Variants in ST8SIA6 observed in about 807,000 individuals in gnomAD.
The protein encoded by ST8SIA6 is alpha-2,8-sialyltransferase 8F.
Under a neutral mutation model 33.6 loss-of-function variants are expected in ST8SIA6, and 39 were observed. That is an observed-to-expected ratio of 1.16 (90% CI 0.90 to 1.52). The LOEUF is 1.52. ST8SIA6 is among the 40% of genes most tolerant of loss of function. The pLI is 0.00. For synonymous variants in ST8SIA6, 172 were observed against 167.2 expected, an observed-to-expected ratio of 1.03 and a Z score of -0.22; for missense variants, 441 against 443.8, an observed-to-expected ratio of 0.99 and a Z score of 0.06.
intron 3 of ST8SIA6, among the ~76,000 whole-genome samples, chr10:17,359,816 C>T (rs1027502656): frequency 2.0e-5 from 3 of 152,016 alleles, no homozygotes; most frequent in Non-Finnish European, 2.9e-5. Context: ...TTGCACATGT[C>T]ATAAGCCAAG....
At chr10:17,362,707 A>G (rs1393121086) in intron 3 of ST8SIA6, among the ~76,000 whole-genome samples, 1 of 152,004 alleles carries the variant, frequency 6.6e-6, no homozygotes, top group Non-Finnish European at 1.5e-5. Flanking sequence ...TAACCTAGGA[A>G]ATGCATTTTA....
In ST8SIA6 at chr10:17,315,932, A is replaced by G. The variant is rs948714535; in HGVS notation, c.*4946T>C. Among the ~76,000 whole-genome samples the G allele has an allele frequency of 1.3e-5, 2 of 152,028 alleles. No individual in the cohort carries two copies. The highest frequency in any genetic ancestry group is 4.8e-5 in the African/African-American group (2 of 41,448). On this transcript the variant is annotated 3_prime_UTR_variant, in exon 8 of 8. Coordinates refer to ENST00000377602, the MANE Select transcript of ST8SIA6 (RefSeq NM_001004470.3). ...ATTTTTCTTTTCATTTTATAATTGCATAATGGAAATAATATTGGCTTTAGA... is the reference window on the plus strand; with the variant it reads ...ATTTTTCTTTTCATTTTATAATTGCGTAATGGAAATAATATTGGCTTTAGA...
chr10:17,410,103 T>C (rs972905583), intron 2 of ST8SIA6: 1 of 152,174 alleles, frequency 6.6e-6, no homozygotes, highest in East Asian at 1.9e-4. Context: ...GGTTTAACAT[T>C]CAAAACTGGA....
chr10:17,376,999 CCT>C (rs1377422626), intron 3 of ST8SIA6, among the ~76,000 whole-genome samples: 1 of 152,152 alleles, frequency 6.6e-6, no homozygotes, highest in Non-Finnish European at 1.5e-5. Context: ...CATCATATCC[CCT>C]GTGACCTGCA....
At chr10:17,383,440 T>C (rs927967566) in intron 3 of ST8SIA6, among the ~76,000 whole-genome samples, 1 of 152,230 alleles carries the variant, frequency 6.6e-6, no homozygotes, top group African/African-American at 2.4e-5. Flanking sequence ...GTTCCAAAAT[T>C]ATGGGAAACT....
At chr10:17,323,353 G>C (rs1848024099) in intron 6 of ST8SIA6, among the ~76,000 whole-genome samples, 196 bp from the exon 7 acceptor site, 1 of 136,800 alleles carries the variant, frequency 7.3e-6, no homozygotes, top group Admixed American at 7.2e-5. Flanking sequence ...TAATTACTCA[G>C]TTCTTAGTTG....
intron 5 of ST8SIA6, among the ~76,000 whole-genome samples, chr10:17,330,856 C>T (rs1012974660): frequency 6.6e-6 from 1 of 152,196 alleles, no homozygotes; most frequent in African/African-American, 2.4e-5. Context: ...CATATCATTA[C>T]TCATTTTTCT....
intron 3 of ST8SIA6, among the ~76,000 whole-genome samples, chr10:17,382,470 T>G (rs1051819363): frequency 6.6e-6 from 1 of 152,166 alleles, no homozygotes. Flanking sequence ...TTCACCATGT[T>G]GGCCAGGCTG....
At chr10:17,450,202 AG>A (rs927275321) in intron 2 of ST8SIA6, among the ~76,000 whole-genome samples, 44 of 152,254 alleles carry the variant, frequency 2.9e-4, no homozygotes, top group African/African-American at 9.6e-4. Context: ...TAACATCAGT[AG>A]GATCTGAGGT....
chr10:17,362,314 A>C (rs1034300052), intron 3 of ST8SIA6, among the ~76,000 whole-genome samples: 2 of 152,212 alleles, frequency 1.3e-5, no homozygotes, highest in Non-Finnish European at 2.9e-5. Flanking sequence ...AAGTTCATTG[A>C]ACATTACTCC....
At chr10:17,366,641 A>G (rs534203863) in intron 3 of ST8SIA6, among the ~76,000 whole-genome samples, 14 of 152,264 alleles carry the variant, frequency 9.2e-5, no homozygotes, top group African/African-American at 3.4e-4. Flanking sequence ...GGAGCACACT[A>G]GGGCCGTCAA....
At chr10:17,337,039 G>A (rs1015816740) in intron 4 of ST8SIA6, among the ~76,000 whole-genome samples, 3 of 152,114 alleles carry the variant, frequency 2.0e-5, no homozygotes, top group African/African-American at 7.2e-5. Flanking sequence ...GGAGGGGCCC[G>A]GTGGGAGGTG....
intron 4 of ST8SIA6, among the ~76,000 whole-genome samples, chr10:17,357,767 A>C (rs901631466): frequency 6.6e-6 from 1 of 152,142 alleles, no homozygotes; most frequent in African/African-American, 2.4e-5. Context: ...CCAGAAGTAA[A>C]AGCTCCTATA....
chr10:17,385,292 C>T (rs77795031), intron 3 of ST8SIA6, among the ~76,000 whole-genome samples: 5,805 of 152,246 alleles, frequency 0.038, 137 homozygotes, highest in African/African-American at 0.062. Context: ...AAGTTCCCCC[C>T]ACACTTCGAG....
At chr10:17,419,924 A>G (rs1851728771) in intron 2 of ST8SIA6, among the ~76,000 whole-genome samples, 1 of 152,232 alleles carries the variant, frequency 6.6e-6, no homozygotes. Context: ...CTAATTTGAA[A>G]GATGCTTTCC....
chr10:17,401,341 A>C (rs1014024483), intron 2 of ST8SIA6, among the ~76,000 whole-genome samples: 1 of 152,222 alleles, frequency 6.6e-6, no homozygotes, highest in African/African-American at 2.4e-5. Flanking sequence ...ATATCGTGAA[A>C]ATGGCCATAC....
chr10:17,437,879 C>T (rs372939383), intron 2 of ST8SIA6, among the ~76,000 whole-genome samples: 1 of 151,960 alleles, frequency 6.6e-6, no homozygotes, highest in Admixed American at 6.6e-5. Flanking sequence ...TACAGGTGGG[C>T]ACCACCATGC....
At chr10:17,392,634 A>C in intron 2 of ST8SIA6, among the ~76,000 whole-genome samples, 1 of 152,192 alleles carries the variant, frequency 6.6e-6, no homozygotes, top group Non-Finnish European at 1.5e-5. Flanking sequence ...GATTGCAGAG[A>C]AATGAGGAGA....
intron 2 of ST8SIA6, among the ~76,000 whole-genome samples, chr10:17,413,034 A>C (rs1851502728): frequency 6.6e-6 from 1 of 152,208 alleles, no homozygotes; most frequent in South Asian, 2.1e-4. Flanking sequence ...GTAAATCCAT[A>C]TAAGTGCACA....
Sources: gnomAD v4.1 joint callset for allele counts (sites outside exome capture counted in the v4.1 genomes callset) on GRCh38, gnomAD v4.1.1 for gene constraint, MANE v1.5 for transcripts, NCBI Gene and HGNC (gene_info 2026-07-23, HGNC 2026-07-21) for gene names.